Variants in BAZ2A observed in about 807,000 individuals in gnomAD.
The protein encoded by BAZ2A is bromodomain adjacent to zinc finger domain 2A.
A neutral mutation model predicts 199.9 loss-of-function variants in BAZ2A; 34 were observed. The observed-to-expected ratio is 0.17, with a 90% CI of 0.13 to 0.23. The LOEUF (loss-of-function observed/expected upper bound fraction) is 0.23. Ranked by LOEUF, BAZ2A falls within the 10% of genes least tolerant of loss-of-function variation. The pLI is 1.00. For missense variants in BAZ2A, 2,002 were observed against 2,391.1 expected (o/e 0.84, Z 3.39); for synonymous variants, 857 against 883.9 (o/e 0.97, Z 0.54).
chr12:56,598,929 G>T lies in BAZ2A; in HGVS notation c.5485C>A (p.Arg1829=). 6.2e-7 allele frequency: 1 copy of T among 1,606,632 alleles called. No homozygotes were observed. ...TCCATAGGATTTTTGATGATGCGCC[G>T]GTACCCACTCACCAAACGTGGGTTC... ...PVNPRLVSGY[R]RIIKNPMDFS... is the part of the protein sequence containing the mutation. The change falls in exon 28 of 29, where the codon CGG becomes AGG. Residue 1829 remains arginine, a synonymous_variant. Coordinates refer to ENST00000549884, the MANE Select transcript of BAZ2A (RefSeq NM_001300905.2).
At chr12:56,636,357 G>A in exon 1 of BAZ2A, 1 of 1,385,832 alleles carries the variant, frequency 7.2e-7, no homozygotes, top group Non-Finnish European at 9.4e-7. Context: ...CTGCTGTAGG[G>A]TGATGTCCCT....
At chr12:56,609,587 T>C (rs1950495993) in intron 10 of BAZ2A, 149 bp downstream of exon 10, 1 of 914,526 alleles carries the variant, frequency 1.1e-6, no homozygotes, top group East Asian at 2.6e-5. Flanking sequence ...GGGACTAGGA[T>C]GCTGGATTCC....
chr12:56,606,725 T>C lies in BAZ2A; in HGVS notation c.2101A>G (p.Asn701Asp), dbSNP rs1245835448. The C allele has an allele frequency of 6.2e-7, 1 of 1,613,486 alleles. No homozygotes were observed. The highest frequency in any genetic ancestry group is 1.7e-5 in the Admixed American group (1 of 59,980). The change falls in exon 11 of 29, where the codon AAT becomes GAT. Residue 701 changes from asparagine (N) to aspartate (D), a missense_variant. Asn to Asp is a conservative substitution (Grantham distance 23, BLOSUM62 1). Around this residue, in one of 6 missense-constraint regions of BAZ2A, gnomAD observed 1,081 missense variants for 1,274.7 expected, o/e 0.85. Transcript: ENST00000549884. ...GCAATCTTTGCTTTATCCTCCTCAT[T>C]CAATGTTTCTGTGAGAGCAGAAAGA... ...LKKLEAQETL[N>D]EEDKAKIAKS...
chr12:56,629,780 G>A (rs1290436104), intron 1 of BAZ2A, among the ~76,000 whole-genome samples: 3 of 151,336 alleles, frequency 2.0e-5, no homozygotes, highest in African/African-American at 4.9e-5. Flanking sequence ...ACCCGAGGAG[G>A]TGGAGCCCCT....
At chr12:56,624,616 CAAAA>C (rs67249064) in intron 1 of BAZ2A, among the ~76,000 whole-genome samples, 3 of 59,420 alleles carry the variant, frequency 5.0e-5, no homozygotes, top group East Asian at 6.4e-4. Context: ...TTTCAGAGAA[CAAAA>C]AAAAAAAAAA....
At chr12:56,634,502 G>T (rs1951398241), upstream of BAZ2A, among the ~76,000 whole-genome samples, 1 of 152,194 alleles carries the variant, frequency 6.6e-6, no homozygotes, top group Admixed American at 6.5e-5. Context: ...AAAGGGCTGA[G>T]CGGAGCAGGG....
chr12:56,610,764 C>T (rs904821488), intron 7 of BAZ2A, among the ~76,000 whole-genome samples: 1 of 152,136 alleles, frequency 6.6e-6, no homozygotes, highest in African/African-American at 2.4e-5. Flanking sequence ...GATCTCCATC[C>T]CTCCTTTACA....
At chr12:56,616,253 T>C (rs528924579) in intron 2 of BAZ2A, among the ~76,000 whole-genome samples, 44 of 152,278 alleles carry the variant, frequency 2.9e-4, no homozygotes, top group African/African-American at 8.4e-4. Context: ...CTACAGTGAC[T>C]TGCATTCTGC....
intron 1 of BAZ2A, among the ~76,000 whole-genome samples, chr12:56,628,509 TTG>T (rs1951186014): frequency 6.6e-6 from 1 of 152,200 alleles, no homozygotes; most frequent in African/African-American, 2.4e-5. Context: ...TTCTAATTAG[TTG>T]ATTCTGCAGA....
intron 1 of BAZ2A, among the ~76,000 whole-genome samples, chr12:56,620,015 GA>G (rs933686738): frequency 6.6e-6 from 1 of 152,078 alleles, no homozygotes; most frequent in African/African-American, 2.4e-5. Flanking sequence ...TGATTTAAGG[GA>G]AAAAGTTTTT....
chr12:56,619,560 A>G (rs2137155423), intron 1 of BAZ2A, among the ~76,000 whole-genome samples: 1 of 152,162 alleles, frequency 6.6e-6, no homozygotes, highest in East Asian at 1.9e-4. Context: ...CACTGGCCAA[A>G]GTCTGCAAGA....
In BAZ2A at chr12:56,608,796, C is replaced by T. The variant is rs575275363; in HGVS notation, c.2092+940G>A. On this transcript the variant is annotated intron_variant, in intron 10 of 28. Coordinates refer to ENST00000549884, the MANE Select transcript of BAZ2A (RefSeq NM_001300905.2). ...GTTGGTCAGGCTGGTCTTGAACTCC[C>T]GACCTCAGGTGATCTGCCCTCCTCA... 5.3e-5 allele frequency among the ~76,000 whole-genome samples: 8 copies of T among 150,804 alleles called. No individual in the cohort carries two copies. In the South Asian group the frequency reaches 1.5e-3, roughly 28 times the overall value.
Position 56,602,790 on chromosome 12 carries a change from T to G in BAZ2A, c.3347A>C (p.Gln1116Pro), listed in dbSNP as rs1159514778. The change falls in exon 19 of 29, where the codon CAG becomes CCG. Residue 1116 changes from glutamine to proline, a missense_variant. Physicochemically the swap from Gln to Pro is moderately conservative, Grantham distance 76. This residue lies in a region of BAZ2A where 1,081 missense variants were observed against 1,274.7 expected (regional missense o/e 0.85). Transcript: ENST00000549884. ...SQMLRAVSLG[Q>P]DRYRRRYWVL... is the part of the protein sequence containing the mutation. The stretch of plus-strand genomic sequence containing the variant: ...CCAGTAGCGACGTCTGTAGCGGTCC[T>G]GACCCAGGGAGACCGCCCGAAGCAT... The G allele has an allele frequency of 6.2e-7, 1 of 1,613,954 alleles. No homozygotes were observed. The highest frequency in any genetic ancestry group is 1.7e-5 in the Admixed American group (1 of 60,014).
Position 56,611,560 on chromosome 12 carries a change from C to T in BAZ2A, c.1670+13G>A. Reference sequence around the variant, plus strand: ...TGTCAAGGTCAATAAATGTAGCAAACTAGAGCATTTACCCATGTTGGAGGG... The same window carrying T: ...TGTCAAGGTCAATAAATGTAGCAAATTAGAGCATTTACCCATGTTGGAGGG... On this transcript the variant is annotated intron_variant, in intron 7 of 28. Coordinates refer to ENST00000549884, the MANE Select transcript of BAZ2A (RefSeq NM_001300905.2). 2 of 1,608,926 alleles carry T rather than the reference C, an allele frequency of 1.2e-6. No individual in the cohort carries two copies. Among genetic ancestry groups the T allele is most frequent in the Non-Finnish European group, 1.7e-6 (2 of 1,175,370 alleles).
upstream of BAZ2A, among the ~76,000 whole-genome samples, chr12:56,633,713 C>T (rs1039430388): frequency 6.6e-6 from 1 of 151,968 alleles, no homozygotes; most frequent in Non-Finnish European, 1.5e-5. Context: ...ACACCCCTCC[C>T]CTTCTTCCCC....
At chr12:56,628,131 A>G (rs1365685115) in intron 1 of BAZ2A, among the ~76,000 whole-genome samples, 1 of 147,392 alleles carries the variant, frequency 6.8e-6, no homozygotes, top group African/African-American at 2.5e-5. Flanking sequence ...GCAGTGAGAC[A>G]AGATCACACC....
In BAZ2A at chr12:56,630,319, G is replaced by T. The variant is rs944433357; in HGVS notation, c.-197C>A. ...GAGAGGAGCCAACATGGCCGGCGGG[G>T]GAGGAGTGAGTCGGAGCCGGAGGGG... is the stretch of plus-strand genomic sequence containing the variant. On this transcript the variant is annotated 5_prime_UTR_variant, in exon 1 of 29. Transcript: ENST00000549884. 3.1e-6 allele frequency: 3 copies of T among 982,122 alleles called. No individual in the cohort carries two copies. The highest frequency in any genetic ancestry group is 3.6e-6 in the Non-Finnish European group (3 of 826,900). 60.8% of individuals were successfully genotyped at this position (982,122 alleles called of 1,614,324 possible).
upstream of BAZ2A, chr12:56,630,364 G>C (rs1397742787): frequency 9.0e-6 from 7 of 781,636 alleles, no homozygotes; most frequent in Non-Finnish European, 1.1e-5. Context: ...CCTCGGCCGG[G>C]AGAGAGTCTC....
chr12:56,638,290 A>G (rs770948747), upstream of BAZ2A: 9 of 1,575,686 alleles, frequency 5.7e-6, no homozygotes, highest in East Asian at 2.0e-4. Context: ...GGTTAGGGGC[A>G]AGGAGAGAGA....
Sources: gnomAD v4.1 joint callset for allele counts (sites outside exome capture counted in the v4.1 genomes callset) on GRCh38, gnomAD v4.1.1 for gene constraint, gnomAD v4.1.1 regional missense constraint, MANE v1.5 for transcripts, NCBI Gene and HGNC (gene_info 2026-07-23, HGNC 2026-07-21) for gene names.